RFX4: variants seen among roughly 807,000 people sequenced by gnomAD.
The protein encoded by RFX4 is transcription factor RFX4.
Under a neutral mutation model 95.0 loss-of-function variants are expected in RFX4, and 10 were observed. The observed-to-expected ratio is 0.11, with a 90% confidence interval of 0.06 to 0.18. The LOEUF is 0.18. Among genes scored for constraint, RFX4 ranks in the 10% least tolerant of loss-of-function variants. The pLI is 1.00. For missense variants in RFX4, 640 were observed against 922.0 expected (o/e 0.69, Z 3.96); for synonymous variants, 321 against 340.7 (o/e 0.94, Z 0.64).
chr12:106,753,800 C>T (rs2043057957), intron 17 of RFX4, among the ~76,000 whole-genome samples: 2 of 152,194 alleles, frequency 1.3e-5, no homozygotes, highest in African/African-American at 2.4e-5. Context: ...GAGGTGGCGT[C>T]AGCATGAACA....
chr12:106,719,612 T>A (rs1433071365), intron 11 of RFX4, among the ~76,000 whole-genome samples: 1 of 151,706 alleles, frequency 6.6e-6, no homozygotes, highest in Non-Finnish European at 1.5e-5. Context: ...GCATGGAAGG[T>A]TAAAGGGATT....
chr12:106,678,514 ACT>A (rs2041442139), intron 4 of RFX4, among the ~76,000 whole-genome samples: 1 of 152,016 alleles, frequency 6.6e-6, no homozygotes, highest in Non-Finnish European at 1.5e-5. Flanking sequence ...ACACTATAAC[ACT>A]CTGGTAGATT....
chr12:106,606,034 C>T (rs1010958146), intron 1 of RFX4, among the ~76,000 whole-genome samples: 21 of 152,152 alleles, frequency 1.4e-4, no homozygotes, highest in Admixed American at 4.6e-4. Flanking sequence ...CAAACTCTTG[C>T]GGGTGGGCAC....
At chr12:106,685,541 T>C (rs575131022) in intron 5 of RFX4, among the ~76,000 whole-genome samples, 1 of 152,184 alleles carries the variant, frequency 6.6e-6, no homozygotes, top group African/African-American at 2.4e-5. Flanking sequence ...ATTACCCCTA[T>C]GGTGCTTGAT....
At chr12:106,735,875 C>A in intron 15 of RFX4, among the ~76,000 whole-genome samples, 1 of 152,148 alleles carries the variant, frequency 6.6e-6, no homozygotes, top group African/African-American at 2.4e-5. Context: ...GAGATATAAA[C>A]TAATGCTATG....
intron 17 of RFX4, among the ~76,000 whole-genome samples, chr12:106,759,591 C>T (rs2043173798): frequency 6.6e-6 from 1 of 152,144 alleles, no homozygotes; most frequent in Non-Finnish European, 1.5e-5. Context: ...GGGTCCACCA[C>T]TGCTGCCACA....
At chr12:106,609,881 G>A (rs890445530) in intron 2 of RFX4, among the ~76,000 whole-genome samples, 10 of 151,920 alleles carry the variant, frequency 6.6e-5, no homozygotes, top group East Asian at 1.9e-4. Flanking sequence ...ACTATAGCCC[G>A]TTTTTGCCTG....
intron 5 of RFX4, chr12:106,683,031 G>A (rs1380368714): frequency 6.6e-6 from 1 of 152,154 alleles, no homozygotes; most frequent in African/African-American, 2.4e-5. Flanking sequence ...TCCACTAGAG[G>A]GTGCCTTATT....
intron 1 of RFX4, 117 bp from the exon 2 acceptor site, chr12:106,608,680 G>A (rs2039889290): frequency 5.3e-6 from 5 of 942,352 alleles, no homozygotes; most frequent in Non-Finnish European, 7.7e-6. Context: ...GAATATTGAT[G>A]AGCATTTAAA....
rs866639316 is a variant in RFX4, at chr12:106,625,406, G to C, written c.131-13926G>C. On this transcript the variant is annotated intron_variant, in intron 2 of 17. Transcript: ENST00000392842. ...AATGCCTGATGGGTGAAGAAACCGA[G>C]CAAGAGTGGATGGGTTATTTACCAT... Among the ~76,000 whole-genome samples the C allele has an allele frequency of 4.5e-3, 692 of 152,314 alleles. 3 individuals carry two copies. The highest frequency in any genetic ancestry group is 0.016 in the African/African-American group (670 of 41,556).
At chr12:106,754,403 T>G (rs868151819) in intron 17 of RFX4, among the ~76,000 whole-genome samples, 1 of 152,234 alleles carries the variant, frequency 6.6e-6, no homozygotes, top group Non-Finnish European at 1.5e-5. Context: ...TGGGTAACTA[T>G]GTGCAAGCAC....
At chr12:106,684,231 G>T (rs2041593328) in intron 5 of RFX4, among the ~76,000 whole-genome samples, 3 of 152,144 alleles carry the variant, frequency 2.0e-5, no homozygotes, top group Admixed American at 2.0e-4. Context: ...GCCGGGCATG[G>T]TGGCACGTCC....
At chr12:106,676,304 A>C (rs994900392) in intron 4 of RFX4, among the ~76,000 whole-genome samples, 2 of 152,140 alleles carry the variant, frequency 1.3e-5, no homozygotes, top group South Asian at 4.2e-4. Context: ...GGACCTGGGA[A>C]GCATTCAGGG....
chr12:106,656,143 C>G (rs2040953542), intron 4 of RFX4, among the ~76,000 whole-genome samples: 1 of 152,180 alleles, frequency 6.6e-6, no homozygotes, highest in Non-Finnish European at 1.5e-5. Context: ...AAGTCTCAAG[C>G]CTGCCCCAAG....
Position 106,686,974 on chromosome 12 carries a change from G to A in RFX4, c.468G>A (p.Thr156=), listed in dbSNP as rs568955436. 3.2e-5 allele frequency: 52 copies of A among 1,613,692 alleles called. No individual in the cohort carries two copies. Among genetic ancestry groups the A allele is most frequent in the Non-Finnish European group, 4.0e-5 (47 of 1,179,972 alleles). ...AAGGAGCTGCCTGGGTGAGTGAGAC[G>A]GGCAAGAAAGAAGTGAGCAAACAGA... The part of the protein sequence containing the change: ...SKKGAAWVSE[T]GKKEVSKQTV... Residue 156 remains threonine, a synonymous_variant, in exon 6 of 18, where the codon ACG becomes ACA. Transcript: ENST00000392842.
At chr12:106,695,216 A>C (rs2137446295) in intron 7 of RFX4, among the ~76,000 whole-genome samples, 1 of 150,440 alleles carries the variant, frequency 6.6e-6, no homozygotes, top group East Asian at 2.0e-4. Context: ...CCAGAAACCA[A>C]GTCAAACCCA....
chr12:106,615,604 A>G (rs1041754273), intron 2 of RFX4, among the ~76,000 whole-genome samples: 4 of 152,204 alleles, frequency 2.6e-5, no homozygotes, highest in African/African-American at 9.6e-5. Context: ...TTTCCAATTA[A>G]TATATGTTGT....
At chr12:106,636,284 G>T (rs919836083) in intron 2 of RFX4, among the ~76,000 whole-genome samples, 3 of 151,896 alleles carry the variant, frequency 2.0e-5, no homozygotes, top group Non-Finnish European at 2.9e-5. Flanking sequence ...CAGCTACTTG[G>T]GGGGCTGAGG....
intron 7 of RFX4, among the ~76,000 whole-genome samples, chr12:106,692,401 G>A (rs1404237721): frequency 6.6e-6 from 1 of 152,122 alleles, no homozygotes; most frequent in Non-Finnish European, 1.5e-5. Context: ...TAAAGTGTCT[G>A]ATTTTGTTCT....
Sources: gnomAD v4.1 joint callset for allele counts (sites outside exome capture counted in the v4.1 genomes callset) on GRCh38, gnomAD v4.1.1 for gene constraint, MANE v1.5 for transcripts, NCBI Gene and HGNC (gene_info 2026-07-23, HGNC 2026-07-21) for gene names.